The following ECPAS variants were observed in gnomAD, a reference collection of about 807,000 sequenced individuals.
The protein encoded by ECPAS is proteasome adapter and scaffold protein ECM29.
A neutral mutation model predicts 255.1 loss-of-function variants in ECPAS; 70 were observed. The observed-to-expected ratio is 0.27, with a 90% CI of 0.23 to 0.33. ECPAS has a LOEUF of 0.33. Ranked by LOEUF, ECPAS falls within the 10% of genes least tolerant of loss-of-function variation. The pLI is 1.00. For missense variants in ECPAS, 1,817 were observed against 2,206.4 expected (o/e 0.82, Z 3.54); for synonymous variants, 784 against 775.0 (o/e 1.01, Z -0.19).
intron 21 of ECPAS, 180 bp downstream of exon 21, chr9:111,411,834 G>A (rs559618470): frequency 4.5e-4 from 231 of 518,696 alleles, no homozygotes; most frequent in Non-Finnish European, 6.7e-4. Context: ...CACAGCACCC[G>A]TATCTGTTAA....
intron 9 of ECPAS, among the ~76,000 whole-genome samples, chr9:111,428,996 A>ATAG (rs1432048909): frequency 1.3e-5 from 2 of 152,230 alleles, no homozygotes; most frequent in Non-Finnish European, 2.9e-5. Context: ...CATCAGAAAA[A>ATAG]TCTACTAAGT....
intron 2 of ECPAS, 77 bp downstream of exon 2, chr9:111,472,820 G>T: frequency 6.6e-6 from 2 of 302,466 alleles, no homozygotes; most frequent in Admixed American, 5.6e-5. Context: ...GGGGGAAATT[G>T]CTACCTGATA....
chr9:111,430,776 G>A (rs2098228661), intron 8 of ECPAS, 148 bp from the exon 9 acceptor site: 2 of 662,064 alleles, frequency 3.0e-6, no homozygotes, highest in Non-Finnish European at 5.4e-6. Flanking sequence ...AGAAGAGAAG[G>A]AAAAGAAAGG....
chr9:111,450,958 A>C (rs1445599196), intron 3 of ECPAS, among the ~76,000 whole-genome samples: 1 of 152,164 alleles, frequency 6.6e-6, no homozygotes, highest in African/African-American at 2.4e-5. Context: ...TGAAAATCTG[A>C]TGTGACAGTT....
At chr9:111,370,796 T>A in intron 43 of ECPAS, 31 bp from the exon 44 acceptor site, 1 of 1,573,834 alleles carries the variant, frequency 6.4e-7, no homozygotes, top group East Asian at 2.3e-5. Context: ...GAAATACTAT[T>A]AAGCCCAAAC....
chr9:111,430,199 C>T (rs1383102877), intron 9 of ECPAS, among the ~76,000 whole-genome samples: 1 of 152,172 alleles, frequency 6.6e-6, no homozygotes, highest in Non-Finnish European at 1.5e-5. Flanking sequence ...CACAACCATG[C>T]TCATTCGGTT....
chr9:111,403,231 G>C (rs921600705), intron 24 of ECPAS, among the ~76,000 whole-genome samples: 2 of 150,466 alleles, frequency 1.3e-5, no homozygotes, highest in South Asian at 2.1e-4. Context: ...ATGGTGGCTT[G>C]TGCCTGTAGG....
At chr9:111,433,191 T>G in intron 8 of ECPAS, 42 bp downstream of exon 8, 1 of 1,595,914 alleles carries the variant, frequency 6.3e-7, no homozygotes, top group Non-Finnish European at 8.6e-7. Flanking sequence ...TTTTTAGAAA[T>G]GTAGTCCTTT....
intron 7 of ECPAS, 83 bp downstream of exon 7, chr9:111,436,857 A>G: frequency 8.3e-7 from 1 of 1,198,032 alleles, no homozygotes. Flanking sequence ...AATATACTAG[A>G]ATTATGTTTT....
chr9:111,370,681 T>A (rs2098126258), intron 44 of ECPAS, 41 bp downstream of exon 44: 1 of 1,605,520 alleles, frequency 6.2e-7, no homozygotes, highest in African/African-American at 1.3e-5. Flanking sequence ...AGTTTTCGGG[T>A]CCAGTTTAAG....
intron 3 of ECPAS, among the ~76,000 whole-genome samples, chr9:111,450,510 C>T (rs903642573): frequency 6.6e-6 from 1 of 152,168 alleles, no homozygotes; most frequent in Admixed American, 6.5e-5. Context: ...ATTACTGTGG[C>T]CCAAGGAATA....
Position 111,430,633 on chromosome 9 carries a change from G to A in ECPAS, c.849-5C>T, listed in dbSNP as rs1291809094. 3.8e-6 allele frequency: 6 copies of A among 1,578,030 alleles called. No homozygotes were observed. In the Admixed American group the frequency reaches 5.4e-5, roughly 14 times the overall value. On this transcript the variant is annotated splice_polypyrimidine_tract_variant and splice_region_variant and intron_variant, in intron 8 of 49. Coordinates refer to ENST00000684092, the MANE Select transcript of ECPAS (RefSeq NM_001364929.1). Reference sequence around the variant, plus strand: ...GGATTATTCCAGTCAATTAAGCTATGGAAGGTTTCAACACAGGTTGTTAAA... The same window carrying A: ...GGATTATTCCAGTCAATTAAGCTATAGAAGGTTTCAACACAGGTTGTTAAA...
chr9:111,432,745 T>C (rs1446048509), intron 8 of ECPAS, among the ~76,000 whole-genome samples: 1 of 152,274 alleles, frequency 6.6e-6, no homozygotes, highest in Non-Finnish European at 1.5e-5. Flanking sequence ...ATTGACTTTA[T>C]TTCTTATACA....
chr9:111,413,056 G>A (rs1490234120), intron 20 of ECPAS, among the ~76,000 whole-genome samples: 4 of 152,150 alleles, frequency 2.6e-5, no homozygotes, highest in Non-Finnish European at 2.9e-5. Flanking sequence ...GTGGCCATGG[G>A]ACAGGGACAC....
At position 111,371,660 on chromosome 9, in the gene ECPAS, T is replaced by C. The variant is rs1406557654; in HGVS notation, c.4698A>G (p.Ala1566=). 3 of 1,613,836 alleles carry C rather than the reference T, an allele frequency of 1.9e-6. No individual in the cohort carries two copies. Among genetic ancestry groups the C allele is most frequent in the Non-Finnish European group, 2.5e-6 (3 of 1,179,780 alleles). The part of the protein sequence containing the change: ...VPPYLGMILT[A]LLQGLAGRTW... ...TTCTTCCAGCCAGGCCTTGCAGCAATGCGGTCAGTATCATTCCGAGATATG... is the reference window on the plus strand; with the variant it reads ...TTCTTCCAGCCAGGCCTTGCAGCAACGCGGTCAGTATCATTCCGAGATATG... The change falls in exon 43 of 50, where the codon GCA becomes GCG. Residue 1566 remains alanine, a synonymous_variant. Coordinates refer to ENST00000684092, the MANE Select transcript of ECPAS (RefSeq NM_001364929.1).
At chr9:111,441,726 T>C (rs1188636307) in intron 5 of ECPAS, among the ~76,000 whole-genome samples, 2 of 152,196 alleles carry the variant, frequency 1.3e-5, no homozygotes, top group African/African-American at 4.8e-5. Flanking sequence ...TTCTTCTGTA[T>C]TACAGTATTT....
intron 2 of ECPAS, among the ~76,000 whole-genome samples, chr9:111,465,727 G>T (rs1286008306): frequency 1.3e-5 from 2 of 151,126 alleles, no homozygotes; most frequent in South Asian, 2.1e-4. Context: ...TACATTTTTT[G>T]ATTAGAAAAA....
rs187575327 is a variant in ECPAS, at chr9:111,467,473, C to T, written c.22+5424G>A. Among the ~76,000 whole-genome samples the T allele has an allele frequency of 1.1e-4, 17 of 152,220 alleles. No homozygotes were observed. The East Asian group carries it at 2.9e-3, about 26-fold the overall frequency. On this transcript the variant is annotated intron_variant, in intron 2 of 49. Coordinates refer to ENST00000684092, the MANE Select transcript of ECPAS (RefSeq NM_001364929.1). ...TTACTTCATGAGCACGAATTACTTG[C>T]GTGAATTTCTGAGTGACAGGTTTCA...
chr9:111,451,315 A>G, intron 3 of ECPAS, 110 bp downstream of exon 3: 1 of 1,105,034 alleles, frequency 9.0e-7, no homozygotes, highest in East Asian at 2.6e-5. Context: ...TTGAAAGGCC[A>G]TAATTAAGAT....
Sources: gnomAD v4.1 joint callset for allele counts (sites outside exome capture counted in the v4.1 genomes callset) on GRCh38, gnomAD v4.1.1 for gene constraint, MANE v1.5 for transcripts, NCBI Gene and HGNC (gene_info 2026-07-23, HGNC 2026-07-21) for gene names.